The following OXR1 variants were observed in gnomAD, a reference collection of about 807,000 sequenced individuals.
OXR1 encodes the protein oxidation resistance 1.
OXR1 carries 41 observed loss-of-function variants against 104.6 expected under a neutral mutation model. The ratio of observed to expected loss-of-function variants is 0.39; its 90% CI spans 0.31 to 0.51. OXR1 has a LOEUF of 0.51. Ranked by LOEUF, OXR1 falls within the 20% of genes least tolerant of loss-of-function variation. The pLI, the probability that OXR1 is intolerant of heterozygous loss-of-function variation, is 0.77. For missense variants in OXR1, 955 were observed against 1,031.9 expected, an observed-to-expected ratio of 0.93 and a Z score of 1.02; for synonymous variants, 348 against 348.4, an observed-to-expected ratio of 1.00 and a Z score of 0.01.
chr8:106,511,655 C>T (rs1812539376), intron 2 of OXR1, among the ~76,000 whole-genome samples: 1 of 152,186 alleles, frequency 6.6e-6, no homozygotes, highest in South Asian at 2.1e-4. Context: ...GAATTTTATA[C>T]ACTGCTTTAA....
At chr8:106,718,241 C>T (rs1216578017) in intron 11 of OXR1, among the ~76,000 whole-genome samples, 1 of 152,002 alleles carries the variant, frequency 6.6e-6, no homozygotes, top group Non-Finnish European at 1.5e-5. Context: ...CTATGGCACC[C>T]CAAATTACTA....
At chr8:106,322,872 A>T (rs1406495926) in intron 1 of OXR1, among the ~76,000 whole-genome samples, 1 of 152,180 alleles carries the variant, frequency 6.6e-6, no homozygotes, top group East Asian at 1.9e-4. Flanking sequence ...AACACTCCTC[A>T]AAGAAATCAG....
At chr8:106,613,066 G>A (rs895526977) in intron 3 of OXR1, among the ~76,000 whole-genome samples, 1 of 152,072 alleles carries the variant, frequency 6.6e-6, no homozygotes, top group African/African-American at 2.4e-5. Context: ...AAATATAACA[G>A]GAGGGAAGAA....
At chr8:106,620,961 A>G (rs1195760397) in intron 3 of OXR1, among the ~76,000 whole-genome samples, 3 of 152,212 alleles carry the variant, frequency 2.0e-5, no homozygotes, top group Admixed American at 6.5e-5. Flanking sequence ...GGGAAAGGAA[A>G]GAAGGAAAAA....
At chr8:106,521,749 A>G (rs954780453) in intron 3 of OXR1, among the ~76,000 whole-genome samples, 4 of 152,066 alleles carry the variant, frequency 2.6e-5, no homozygotes, top group Non-Finnish European at 5.9e-5. Context: ...CCTGACCTCA[A>G]GATCTGCCCA....
rs34055157 is a variant in OXR1, at chr8:106,686,287, TAAA to T, written c.525+1942_525+1944del. ...AAAACATATTGAAATGGAAAATAAT[TAAA>T]AAAAAAAAAAAAAGAGGTAAGAGAA... On this transcript the variant is annotated intron_variant, in intron 6 of 16. Transcript: ENST00000517566. Among the ~76,000 whole-genome samples, 806 of 144,734 alleles carry T rather than the reference TAAA, an allele frequency of 5.6e-3. 1 individual carries two copies. The highest frequency in any genetic ancestry group is 7.3e-3 in the Admixed American group (106 of 14,536). 95.0% of individuals were successfully genotyped at this position (144,734 alleles called of 152,430 possible).
chr8:106,727,442 A>C (rs1228629069), intron 11 of OXR1, among the ~76,000 whole-genome samples: 1 of 152,080 alleles, frequency 6.6e-6, no homozygotes, highest in Non-Finnish European at 1.5e-5. Flanking sequence ...TTTTTGAGAC[A>C]GGGTCTCACT....
chr8:106,662,963 A>C (rs1475039585), intron 3 of OXR1, among the ~76,000 whole-genome samples: 1 of 152,150 alleles, frequency 6.6e-6, no homozygotes, highest in African/African-American at 2.4e-5. Context: ...GAGGGCCTAC[A>C]TGATGCTCAA....
In OXR1 at chr8:106,433,694, C is replaced by T. The variant is rs899235333; in HGVS notation, c.23+74058C>T. Among the ~76,000 whole-genome samples, 6 of 152,152 alleles carry T rather than the reference C, an allele frequency of 3.9e-5. No individual in the cohort carries two copies. The East Asian group carries it at 9.6e-4, about 24-fold the overall frequency. On this transcript the variant is annotated intron_variant, in intron 2 of 16. Transcript: ENST00000517566. ...GTTCTCCGTTACAATTTTGCAAAGG[C>T]GGATTCAGATTGAGCTCTTTATCTG...
At chr8:106,277,012 T>G (rs1419904017) in intron 1 of OXR1, among the ~76,000 whole-genome samples, 2 of 152,204 alleles carry the variant, frequency 1.3e-5, no homozygotes, top group African/African-American at 4.8e-5. Context: ...TATAGATGTT[T>G]TTATACCAGT....
In OXR1 at chr8:106,578,983, C is replaced by CTTTTTTTTT. The variant is rs146593561; in HGVS notation, c.220+59847_220+59848insTTTTTTTTT. Among the ~76,000 whole-genome samples the CTTTTTTTTT allele has an allele frequency of 2.9e-3, 375 of 130,750 alleles. 9 individuals are homozygous for CTTTTTTTTT. The highest frequency in any genetic ancestry group is 9.5e-3 in the Middle Eastern group (2 of 210). 85.8% of individuals were successfully genotyped at this position (130,750 alleles called of 152,430 possible). On this transcript the variant is annotated intron_variant, in intron 3 of 16. Coordinates refer to ENST00000517566, the MANE Select transcript of OXR1 (RefSeq NM_001198533.2). ...GACCACCTAGGTAACCTCACTTTTT[C>CTTTTTTTTT]TTTCTTTTTTTTTTTTTTTGCCTAG...
intron 1 of OXR1, among the ~76,000 whole-genome samples, chr8:106,283,240 T>C (rs1812363195): frequency 6.6e-6 from 1 of 152,218 alleles, no homozygotes; most frequent in South Asian, 2.1e-4. Context: ...TTTTCCTATG[T>C]GGAGCAACGC....
At chr8:106,347,709 A>G (rs1462815760) in intron 1 of OXR1, among the ~76,000 whole-genome samples, 2 of 152,180 alleles carry the variant, frequency 1.3e-5, no homozygotes, top group South Asian at 2.1e-4. Context: ...TAAAATACCT[A>G]TAAATGATTA....
intron 3 of OXR1, among the ~76,000 whole-genome samples, chr8:106,645,650 T>C (rs1456745586): frequency 1.3e-5 from 2 of 152,120 alleles, no homozygotes; most frequent in Non-Finnish European, 2.9e-5. Context: ...GAATTTCTCT[T>C]CCTATATGCT....
chr8:106,733,478 G>C (rs1834077764), intron 11 of OXR1, among the ~76,000 whole-genome samples: 1 of 151,886 alleles, frequency 6.6e-6, no homozygotes, highest in Admixed American at 6.6e-5. Context: ...ATTGATTTCT[G>C]CTCTAATTTT....
chr8:106,284,869 T>A (rs531159969), intron 1 of OXR1, among the ~76,000 whole-genome samples: 50 of 152,312 alleles, frequency 3.3e-4, no homozygotes, highest in Non-Finnish European at 6.0e-4. Context: ...ATAGCTTACT[T>A]GTTTATTTGA....
chr8:106,574,965 T>C (rs1408074777), intron 3 of OXR1, among the ~76,000 whole-genome samples: 2 of 152,232 alleles, frequency 1.3e-5, no homozygotes, highest in South Asian at 2.1e-4. Context: ...TAGTTGGTTT[T>C]TTATGGCTTT....
At chr8:106,697,995 C>T in intron 7 of OXR1, 1 of 1,613,110 alleles carries the variant, frequency 6.2e-7, no homozygotes, top group Non-Finnish European at 8.5e-7. Context: ...GGCCATAATG[C>T]AGGTCCCCTG....
intron 2 of OXR1, among the ~76,000 whole-genome samples, chr8:106,418,826 A>G (rs1306420105): frequency 2.0e-5 from 3 of 152,174 alleles, no homozygotes; most frequent in East Asian, 1.9e-4. Context: ...AAAGATGACT[A>G]TAAGAAAAGT....
Sources: allele counts gnomAD v4.1 joint callset (sites outside exome capture counted in the v4.1 genomes callset), GRCh38; gene constraint gnomAD v4.1.1; transcripts MANE v1.5; gene names NCBI Gene and HGNC (gene_info 2026-07-23, HGNC 2026-07-21).